The following PPL variants were observed in gnomAD, a reference collection of about 807,000 sequenced individuals.
The protein encoded by PPL is periplakin.
PPL carries 198 observed loss-of-function variants against 194.4 expected under a neutral mutation model. The observed-to-expected ratio is 1.02, with a 90% CI of 0.91 to 1.15. PPL has a LOEUF of 1.15. Among genes scored for constraint, PPL ranks in the 50% most tolerant of loss-of-function variants. The pLI is 0.00. For missense variants in PPL, 2,885 were observed against 2,294.8 expected (o/e 1.26, Z -5.25); for synonymous variants, 1,220 against 972.4 (o/e 1.25, Z -4.74).
chr16:4,935,332 G>C (rs771754180), intron 1 of PPL, among the ~76,000 whole-genome samples: 1 of 152,158 alleles, frequency 6.6e-6, no homozygotes, highest in African/African-American at 2.4e-5. Context: ...AGGGCGGGGC[G>C]AGGCCTGGCC....
intron 1 of PPL, among the ~76,000 whole-genome samples, chr16:4,936,017 G>A (rs980515785): frequency 1.3e-5 from 2 of 152,224 alleles, no homozygotes; most frequent in African/African-American, 4.8e-5. Flanking sequence ...ATATAAGGCA[G>A]GGGCTGGATT....
rs1214852318 is a variant in PPL at position 4,922,034 on chromosome 16, G to C, written c.63-11085C>G. 2.0e-4 allele frequency among the ~76,000 whole-genome samples: 30 copies of C among 152,104 alleles called. 1 individual carries two copies. Among genetic ancestry groups the C allele is most frequent in the Admixed American group, 2.0e-3 (30 of 15,270 alleles). On this transcript the variant is annotated intron_variant, in intron 1 of 21. Coordinates refer to ENST00000345988, the MANE Select transcript of PPL (RefSeq NM_002705.5). ...GGGGGACCCTCGCTCTCCACCTCCT[G>C]GGTCTCTCTTCCTGCTTTAATTTTG... is the stretch of plus-strand genomic sequence containing the variant.
At chr16:4,919,756 T>G (rs1166202236) in intron 1 of PPL, among the ~76,000 whole-genome samples, 4 of 151,866 alleles carry the variant, frequency 2.6e-5, no homozygotes, top group African/African-American at 9.7e-5. Context: ...TAGGAAGACC[T>G]TGTCTCTACA....
At chr16:4,887,079 G>A (rs2088230456) in intron 21 of PPL, 56 bp downstream of exon 21, 4 of 1,356,816 alleles carry the variant, frequency 2.9e-6, no homozygotes, top group Admixed American at 1.7e-5. Flanking sequence ...GACAGAGTCT[G>A]TATTTGTCAC....
chr16:4,913,432 A>T (rs951050693), intron 1 of PPL, among the ~76,000 whole-genome samples: 4 of 152,200 alleles, frequency 2.6e-5, no homozygotes, highest in African/African-American at 9.7e-5. Context: ...TTATGAATGG[A>T]AGTGAGGTTA....
At chr16:4,907,334 A>C (rs1411814762) in intron 2 of PPL, among the ~76,000 whole-genome samples, 2 of 151,476 alleles carry the variant, frequency 1.3e-5, no homozygotes, top group African/African-American at 4.9e-5. Context: ...ACACACACAC[A>C]CACACACACA....
intron 1 of PPL, among the ~76,000 whole-genome samples, chr16:4,934,304 G>A (rs1480007186): frequency 2.0e-5 from 3 of 152,066 alleles, no homozygotes; most frequent in African/African-American, 2.4e-5. Flanking sequence ...TGGCTTTCTC[G>A]GTGGGGTGTT....
intron 19 of PPL, 153 bp downstream of exon 19, chr16:4,888,825 A>T (rs2088260270): frequency 2.8e-6 from 2 of 725,320 alleles, no homozygotes; most frequent in East Asian, 4.9e-5. Context: ...GTTTTCCCAA[A>T]AGCCTGTGCC....
Position 4,885,252 on chromosome 16 carries a change from G to A in PPL, c.3403C>T (p.Arg1135Cys), listed in dbSNP as rs753325015. Reference sequence around the variant, plus strand: ...TTGGCAGCCTCGTCCTCATATTGGCGGGTGAGATCGCTGACCTCCCTCTCG... The same window carrying A: ...TTGGCAGCCTCGTCCTCATATTGGCAGGTGAGATCGCTGACCTCCCTCTCG... ...ATEREVSDLT[R>C]QYEDEAAKAR... The change falls in exon 22 of 22, where the codon CGC becomes TGC. Residue 1135 changes from arginine (R) to cysteine (C), a missense_variant. Physicochemically the swap from Arg to Cys is radical, Grantham distance 180 (BLOSUM62 -3). Coordinates refer to ENST00000345988, the MANE Select transcript of PPL (RefSeq NM_002705.5). The surrounding 1 kb of genome is among the most constrained non-coding windows in gnomAD (Gnocchi z 6.3). 75 of 1,612,786 alleles carry A rather than the reference G, an allele frequency of 4.7e-5. No homozygotes were observed. The highest frequency in any genetic ancestry group is 3.8e-4 in the South Asian group (35 of 91,060).
intron 9 of PPL, among the ~76,000 whole-genome samples, chr16:4,897,454 A>C (rs913759525): frequency 1.3e-5 from 2 of 151,992 alleles, no homozygotes; most frequent in African/African-American, 4.8e-5. Context: ...CTGGGGAATC[A>C]GACTCTGGCC....
intron 12 of PPL, 77 bp downstream of exon 12, chr16:4,894,390 C>T: frequency 6.4e-7 from 1 of 1,557,652 alleles, no homozygotes; most frequent in South Asian, 1.2e-5. Flanking sequence ...AGTCCAAATC[C>T]CCGGGGCTAT....
chr16:4,931,246 C>T (rs899086783), intron 1 of PPL, among the ~76,000 whole-genome samples: 1 of 152,080 alleles, frequency 6.6e-6, no homozygotes, highest in Non-Finnish European at 1.5e-5. Flanking sequence ...CACCTGTAGT[C>T]CCAGCTTCTT....
In PPL at chr16:4,899,088, C is replaced by T. The variant is rs1037208406; in HGVS notation, c.801G>A (p.Glu267=). The change falls in exon 8 of 22, where the codon GAG becomes GAA. Residue 267 remains glutamate (E), a synonymous_variant. Coordinates refer to ENST00000345988, the MANE Select transcript of PPL (RefSeq NM_002705.5). ...NFINRNLEAK[E]ERINKLHSEG... ...CGCTGTGCAGTTTGTTGATTCTCTCCTCTTTGGCCTCCAGGTTCCGGTTGA... is the reference window on the plus strand; with the variant it reads ...CGCTGTGCAGTTTGTTGATTCTCTCTTCTTTGGCCTCCAGGTTCCGGTTGA... 1.2e-6 allele frequency: 2 copies of T among 1,613,822 alleles called. No homozygotes were observed. The highest frequency in any genetic ancestry group is 2.2e-5 in the East Asian group (1 of 44,866).
In PPL at chr16:4,885,529, A is replaced by C; in HGVS notation, c.3126T>G (p.Ala1042=). The change falls in exon 22 of 22, where the codon GCT becomes GCG. Residue 1042 remains alanine (A), a synonymous_variant. Transcript: ENST00000345988. This position sits in a 1 kb window ranked among gnomAD's most constrained non-coding sequence, Gnocchi z 6.3. The part of the protein sequence containing the change: ...LLLQQRVAAL[A]EEKSRAQEKV... ...TCTCCTGCGCCCGGCTCTTCTCTTCAGCCAGGGCGGCCACACGCTGCTGCA... is the reference window on the plus strand; with the variant it reads ...TCTCCTGCGCCCGGCTCTTCTCTTCCGCCAGGGCGGCCACACGCTGCTGCA... 6.2e-7 allele frequency: 1 copy of C among 1,610,614 alleles called. No homozygotes were observed. The highest frequency in any genetic ancestry group is 1.7e-4 in the Middle Eastern group (1 of 6,058).
In PPL at chr16:4,902,638, T is replaced by C; in HGVS notation, c.318-112A>G. 3.9e-6 allele frequency: 5 copies of C among 1,274,320 alleles called. No homozygotes were observed. The highest frequency in any genetic ancestry group is 5.4e-6 in the Non-Finnish European group (5 of 931,112). The allele number at this position is 1,274,320 out of a possible 1,614,324, so 78.9% of individuals were successfully genotyped here. A position where few individuals can be genotyped will look rare whatever the true frequency, so the allele number is the denominator to read the frequency against. On this transcript the variant is annotated intron_variant, in intron 3 of 21. Transcript: ENST00000345988. This position sits in a 1 kb window ranked among gnomAD's most constrained non-coding sequence, Gnocchi z 4.0. ...GTGTCCTGGAAGGACACAGTGACCA[T>C]ATGGCCTTGGGTTCCAGACAATCAC...
In PPL at chr16:4,890,245, C is replaced by T. The variant is rs1408040261; in HGVS notation, c.2252G>A (p.Ser751Asn). 5 of 1,614,198 alleles carry T rather than the reference C, an allele frequency of 3.1e-6. No individual in the cohort carries two copies. The highest frequency in any genetic ancestry group is 8.5e-7 in the Non-Finnish European group (1 of 1,180,038). Residue 751 changes from serine to asparagine, a missense_variant, in exon 18 of 22, where the codon AGT (serine) becomes AAT (asparagine). Ser to Asn is a conservative substitution (Grantham distance 46, BLOSUM62 1). Transcript: ENST00000345988. ...HVLQFLVSIP[S>N]YEPQETDSLS... Reference sequence around the variant, plus strand: ...GCTGTCTGTCTCCTGGGGCTCGTAACTGGGGATGCTGACTAGGAACTGCAG... The same window carrying T: ...GCTGTCTGTCTCCTGGGGCTCGTAATTGGGGATGCTGACTAGGAACTGCAG...
At chr16:4,936,934 G>A (rs1309177329) in intron 1 of PPL, 50 bp downstream of exon 1, 3 of 1,543,068 alleles carry the variant, frequency 1.9e-6, no homozygotes, top group Non-Finnish European at 1.8e-6. Flanking sequence ...GGTCCTGTGC[G>A]CCCACAGGGG....
intron 8 of PPL, among the ~76,000 whole-genome samples, chr16:4,898,149 G>A (rs1282713588): frequency 3.9e-5 from 6 of 152,178 alleles, no homozygotes; most frequent in East Asian, 1.9e-4. Flanking sequence ...AGGCCGAGGC[G>A]GGTGGATCAC....
chr16:4,884,953 T>A lies in PPL; in HGVS notation c.3702A>T (p.Glu1234Asp), dbSNP rs201956756. 1 of 1,614,144 alleles carries A rather than the reference T, an allele frequency of 6.2e-7. No individual in the cohort carries two copies. Among genetic ancestry groups the A allele is most frequent in the Non-Finnish European group, 8.5e-7 (1 of 1,180,022 alleles). Residue 1234 changes from glutamate to aspartate, a missense_variant, in exon 22 of 22, where the codon GAA becomes GAT. Transcript: ENST00000345988. This position sits in a 1 kb window ranked among gnomAD's most constrained non-coding sequence, Gnocchi z 5.7. ...CAGGGTCAGTCTTGTACTTAATGAC[T>A]TCCTTAGTCACCTCTTTGACTTCCA... is the stretch of plus-strand genomic sequence containing the variant. Reference protein sequence around the residue: ...PQVEVKEVTKEVIKYKTDPEM... With the variant: ...PQVEVKEVTKDVIKYKTDPEM...
Sources: allele counts gnomAD v4.1 joint callset (sites outside exome capture counted in the v4.1 genomes callset), GRCh38; gene constraint gnomAD v4.1.1; non-coding constraint Gnocchi (gnomAD v3.1); transcripts MANE v1.5; gene names NCBI Gene and HGNC (gene_info 2026-07-23, HGNC 2026-07-21).